CADPS: variants seen among roughly 807,000 people sequenced by gnomAD.
CADPS encodes calcium dependent secretion activator.
A neutral mutation model predicts 167.3 loss-of-function variants in CADPS; 57 were observed. The ratio of observed to expected loss-of-function variants is 0.34; its 90% confidence interval spans 0.28 to 0.42. The LOEUF (loss-of-function observed/expected upper bound fraction) is 0.42, where lower values mean the gene tolerates loss of function less well. CADPS is among the 20% of genes least tolerant of loss of function. The pLI is 1.00. For synonymous variants in CADPS, 676 were observed against 635.3 expected, an observed-to-expected ratio of 1.06 and a Z score of -0.96; for missense variants, 1,414 against 1,738.1, an observed-to-expected ratio of 0.81 and a Z score of 3.32.
Position 62,731,805 on chromosome 3 carries a change from C to CAAAAAAAAAAAAAAAAAAAAAAAAAAAA in CADPS, c.888+21635_888+21636insTTTTTTTTTTTTTTTTTTTTTTTTTTTT, listed in dbSNP as rs1212456893. ...CCTGGTGAAAGAAACTGATCATATG[C>CAAAAAAAAAAAAAAAAAAAAAAAAAAAA]AAAAAAAAAAAAAAAAAAAAAAAAA... On this transcript the variant is annotated intron_variant, in intron 3 of 29. Transcript: ENST00000383710. 2.0e-3 allele frequency among the ~76,000 whole-genome samples: 54 copies of CAAAAAAAAAAAAAAAAAAAAAAAAAAAA among 27,138 alleles called. 4 individuals carry two copies. Among genetic ancestry groups the CAAAAAAAAAAAAAAAAAAAAAAAAAAAA allele is most frequent in the African/African-American group, 5.6e-3 (34 of 6,094 alleles). 17.8% of individuals were successfully genotyped at this position (27,138 alleles called of 152,430 possible).
At chr3:62,859,185 T>C (rs762677349) in intron 1 of CADPS, among the ~76,000 whole-genome samples, 5 of 152,214 alleles carry the variant, frequency 3.3e-5, no homozygotes, top group Non-Finnish European at 7.3e-5. Context: ...TGAATTTGGT[T>C]TGTCCTTTCC....
intron 1 of CADPS, among the ~76,000 whole-genome samples, chr3:62,859,482 T>C (rs1244387459): frequency 6.6e-6 from 1 of 152,178 alleles, no homozygotes; most frequent in African/African-American, 2.4e-5. Flanking sequence ...CTCTTTGGAC[T>C]AAATGGCAAA....
intron 27 of CADPS, chr3:62,439,124 A>C (rs982350328): frequency 2.0e-5 from 3 of 152,038 alleles, no homozygotes; most frequent in African/African-American, 7.2e-5. Flanking sequence ...AACCCCTCAA[A>C]TTTCCACAGT....
At chr3:62,791,535 G>T (rs904296765) in intron 1 of CADPS, among the ~76,000 whole-genome samples, 1 of 152,138 alleles carries the variant, frequency 6.6e-6, no homozygotes, top group Non-Finnish European at 1.5e-5. Flanking sequence ...AGATCTCCAG[G>T]TTGATTCATA....
intron 21 of CADPS, among the ~76,000 whole-genome samples, chr3:62,488,187 A>G (rs2063121078): frequency 6.6e-6 from 1 of 152,210 alleles, no homozygotes; most frequent in African/African-American, 2.4e-5. Context: ...TATGCCAAAA[A>G]GATCATTCTT....
At chr3:62,451,323 CT>C in intron 26 of CADPS, among the ~76,000 whole-genome samples, 1 of 152,152 alleles carries the variant, frequency 6.6e-6, no homozygotes, top group East Asian at 1.9e-4. Context: ...CTGCCTGGCC[CT>C]AAAAAGGGGA....
chr3:62,764,124 T>A (rs2086252205), intron 2 of CADPS, among the ~76,000 whole-genome samples: 1 of 152,208 alleles, frequency 6.6e-6, no homozygotes, highest in East Asian at 1.9e-4. Flanking sequence ...ACTCTAAATA[T>A]GGAGAACTAT....
rs867004492 is a variant in CADPS at position 62,847,383 on chromosome 3, T to G, written c.441+27206A>C. Reference sequence around the variant, plus strand: ...ATGCTGGTGCGCTGCACCCACTAACTCGTCATCTAGCATTAGGTATATCTC... The same window carrying G: ...ATGCTGGTGCGCTGCACCCACTAACGCGTCATCTAGCATTAGGTATATCTC... On this transcript the variant is annotated intron_variant, in intron 1 of 29. Transcript: ENST00000383710. 4.2e-4 allele frequency among the ~76,000 whole-genome samples: 45 copies of G among 108,306 alleles called. No individual in the cohort carries two copies. In the Middle Eastern group the frequency reaches 0.021, roughly 51 times the overall value. The allele number at this position is 108,306 out of a possible 152,430, so 71.1% of individuals were successfully genotyped here.
intron 3 of CADPS, among the ~76,000 whole-genome samples, chr3:62,685,783 A>G (rs1211856030): frequency 2.0e-5 from 3 of 151,966 alleles, no homozygotes; most frequent in African/African-American, 4.8e-5. Flanking sequence ...CACAACCTAG[A>G]TCCCTCGCAT....
chr3:62,711,348 T>A (rs1008074119), intron 3 of CADPS, among the ~76,000 whole-genome samples: 1 of 152,238 alleles, frequency 6.6e-6, no homozygotes, highest in Admixed American at 6.5e-5. Flanking sequence ...TAAATGTTTC[T>A]GCTAGTATTA....
chr3:62,506,284 A>G (rs1461865397), intron 17 of CADPS, among the ~76,000 whole-genome samples: 1 of 152,106 alleles, frequency 6.6e-6, no homozygotes, highest in South Asian at 2.1e-4. Flanking sequence ...GCTACTCAGG[A>G]GGCTGAGGCA....
At chr3:62,504,747 C>G (rs1198951143) in intron 17 of CADPS, among the ~76,000 whole-genome samples, 1 of 152,106 alleles carries the variant, frequency 6.6e-6, no homozygotes, top group African/African-American at 2.4e-5. Context: ...CATGTTTACA[C>G]AATTAAATCT....
At chr3:62,612,144 C>A (rs2061591083) in intron 6 of CADPS, among the ~76,000 whole-genome samples, 1 of 152,204 alleles carries the variant, frequency 6.6e-6, no homozygotes, top group Non-Finnish European at 1.5e-5. Context: ...GTATAGAATA[C>A]TCCAAATGGG....
At chr3:62,697,214 C>T (rs577094251) in intron 3 of CADPS, among the ~76,000 whole-genome samples, 20 of 152,074 alleles carry the variant, frequency 1.3e-4, no homozygotes, top group Admixed American at 2.0e-4. Context: ...ACCCTTCAGC[C>T]GAGTAGTATA....
chr3:62,404,240 GA>G lies in CADPS; in HGVS notation c.3778-1056del, dbSNP rs745967705. 3.9e-5 allele frequency: 6 copies of G among 152,572 alleles called. No individual in the cohort carries two copies. In the South Asian group the frequency reaches 1.2e-3, roughly 32 times the overall value. The allele number at this position is 152,572 out of a possible 1,614,324, so 9.5% of individuals were successfully genotyped here. A position where few individuals can be genotyped will look rare whatever the true frequency, so the allele number is the denominator to read the frequency against. ...GCACAGAAAAGATGCAAAAAAGAAAGAAATGGTTAGAGAATTGAGATGATGC... is the reference window on the plus strand; with the variant it reads ...GCACAGAAAAGATGCAAAAAAGAAAGAATGGTTAGAGAATTGAGATGATGC... On this transcript the variant is annotated intron_variant, in intron 28 of 29. Coordinates refer to ENST00000383710, the MANE Select transcript of CADPS (RefSeq NM_003716.4).
At chr3:62,730,640 T>G (rs984180831) in intron 3 of CADPS, among the ~76,000 whole-genome samples, 4 of 152,160 alleles carry the variant, frequency 2.6e-5, no homozygotes, top group Admixed American at 1.3e-4. Context: ...CTTCAAAGGG[T>G]ACCTTCAGGG....
intron 3 of CADPS, among the ~76,000 whole-genome samples, chr3:62,724,761 C>T (rs1157040394): frequency 3.3e-5 from 5 of 152,196 alleles, no homozygotes; most frequent in Non-Finnish European, 7.4e-5. Flanking sequence ...ACTCATATTT[C>T]TCTGTTGCTC....
At chr3:62,556,994 AACACACACACACACACACACACACAC>A (rs56228621) in intron 10 of CADPS, among the ~76,000 whole-genome samples, 10 of 143,666 alleles carry the variant, frequency 7.0e-5, no homozygotes, top group Non-Finnish European at 1.4e-4. Context: ...GGTGAAAAAC[AACACACACACACACACACACACACAC>A]ACACACACAC....
chr3:62,526,642 G>A (rs1371917786), intron 13 of CADPS, among the ~76,000 whole-genome samples: 2 of 152,138 alleles, frequency 1.3e-5, no homozygotes, highest in Non-Finnish European at 2.9e-5. Flanking sequence ...AAAATTAGAA[G>A]ATGTAGCAAT....
Sources: gnomAD v4.1 joint callset for allele counts (sites outside exome capture counted in the v4.1 genomes callset) on GRCh38, gnomAD v4.1.1 for gene constraint, MANE v1.5 for transcripts, NCBI Gene and HGNC (gene_info 2026-07-23, HGNC 2026-07-21) for gene names.